Variants in NCALD observed in about 807,000 individuals in gnomAD.
NCALD encodes neurocalcin-delta.
NCALD carries 10 observed loss-of-function variants against 18.6 expected under a neutral mutation model. The ratio of observed to expected loss-of-function variants is 0.54; its 90% CI spans 0.33 to 0.91. The LOEUF (loss-of-function observed/expected upper bound fraction) is 0.91. Among genes scored for constraint, NCALD ranks in the 40% least tolerant of loss-of-function variants. The pLI is 0.03. For synonymous variants in NCALD, 88 were observed against 87.4 expected (o/e 1.01, Z -0.04); for missense variants, 184 against 247.6 (o/e 0.74, Z 1.72).
intron 1 of NCALD, among the ~76,000 whole-genome samples, chr8:102,049,118 A>G (rs184111752): frequency 7.4e-4 from 112 of 152,298 alleles, no homozygotes; most frequent in Non-Finnish European, 1.1e-3. Context: ...GAGATGAAAA[A>G]CACTGAAGTA....
At chr8:101,707,967 G>T (rs1815610126) in intron 2 of NCALD, among the ~76,000 whole-genome samples, 1 of 152,162 alleles carries the variant, frequency 6.6e-6, no homozygotes, top group South Asian at 2.1e-4. Context: ...ATTATTCTAA[G>T]TAGTAAAAGT....
At chr8:102,106,578 A>G (rs570952857) in intron 1 of NCALD, among the ~76,000 whole-genome samples, 141 of 151,898 alleles carry the variant, frequency 9.3e-4, no homozygotes, top group Non-Finnish European at 1.9e-3. Context: ...GCGTGCCCTG[A>G]TCCTCTAGGG....
At chr8:101,747,664 T>A (rs1030669319) in intron 1 of NCALD, among the ~76,000 whole-genome samples, 1 of 151,950 alleles carries the variant, frequency 6.6e-6, no homozygotes, top group African/African-American at 2.4e-5. Flanking sequence ...GATTATCTCC[T>A]CTTTAAGCCT....
intron 1 of NCALD, among the ~76,000 whole-genome samples, chr8:102,079,915 G>T (rs1471764789): frequency 6.6e-6 from 1 of 152,162 alleles, no homozygotes; most frequent in East Asian, 1.9e-4. Context: ...TGGCAAATTT[G>T]CCCAAATATT....
At chr8:101,840,863 T>C (rs1336776344) in intron 4 of NCALD, among the ~76,000 whole-genome samples, 1 of 152,212 alleles carries the variant, frequency 6.6e-6, no homozygotes, top group Non-Finnish European at 1.5e-5. Context: ...AAAAAATCAT[T>C]GATTCGAATA....
chr8:101,738,519 G>A (rs10955273), intron 1 of NCALD, among the ~76,000 whole-genome samples: 3,295 of 136,002 alleles, frequency 0.024, 111 homozygotes, highest in East Asian at 0.12. Flanking sequence ...ACTCCAGCCT[G>A]AGTGACAAGA....
At chr8:102,106,449 A>G (rs547750998) in intron 1 of NCALD, among the ~76,000 whole-genome samples, 2,588 of 90,142 alleles carry the variant, frequency 0.029, 109 homozygotes, top group African/African-American at 0.088. Context: ...CATATAGTAT[A>G]TATATATATA....
intron 2 of NCALD, among the ~76,000 whole-genome samples, chr8:101,710,032 A>C (rs1464095819): frequency 6.6e-6 from 1 of 152,262 alleles, no homozygotes; most frequent in Admixed American, 6.5e-5. Flanking sequence ...CAGCAAGACC[A>C]ACGCAGAAGA....
At chr8:101,936,166 T>C (rs2131730119) in intron 2 of NCALD, among the ~76,000 whole-genome samples, 1 of 152,280 alleles carries the variant, frequency 6.6e-6, no homozygotes, top group South Asian at 2.1e-4. Flanking sequence ...CAATTATCTA[T>C]AAGAATGAGA....
chr8:102,087,902 C>CCTCT (rs3085983), intron 1 of NCALD, among the ~76,000 whole-genome samples: 3 of 149,486 alleles, frequency 2.0e-5, no homozygotes, highest in East Asian at 3.9e-4. Flanking sequence ...GCAATGCTTT[C>CCTCT]CTCTCTCTCT....
intron 1 of NCALD, among the ~76,000 whole-genome samples, chr8:102,054,744 T>G (rs545942754): frequency 7.4e-6 from 1 of 135,456 alleles, no homozygotes; most frequent in South Asian, 2.5e-4. Flanking sequence ...TAGATAGATC[T>G]ATAGGATGAT....
At chr8:101,936,255 A>C (rs1818760101) in intron 2 of NCALD, among the ~76,000 whole-genome samples, 1 of 152,208 alleles carries the variant, frequency 6.6e-6, no homozygotes, top group African/African-American at 2.4e-5. Flanking sequence ...ATTTTCAGTA[A>C]GACCAATCAG....
chr8:101,891,656 G>A (rs7826612), intron 3 of NCALD, among the ~76,000 whole-genome samples: 3,306 of 152,302 alleles, frequency 0.022, 95 homozygotes, highest in African/African-American at 0.073. Flanking sequence ...GTGGGTGCGT[G>A]CACCGAGTGC....
rs542193743 is a variant in NCALD at position 102,117,109 on chromosome 8, G to A, written c.-210+7128C>T. Among the ~76,000 whole-genome samples, 6 of 152,306 alleles carry A rather than the reference G, an allele frequency of 3.9e-5. No individual in the cohort carries two copies. In the East Asian group the frequency reaches 1.2e-3, roughly 29 times the overall value. On this transcript the variant is annotated intron_variant, in intron 1 of 6. Coordinates refer to the NCALD transcript ENST00000311028. ...CCCTAGAATCCCTGGAGGAAGCACG[G>A]CATTTCGGCCTCAGACTTCTAGCCT... is the stretch of plus-strand genomic sequence containing the variant.
At chr8:101,742,623 T>C (rs373355797) in intron 1 of NCALD, among the ~76,000 whole-genome samples, 11 of 152,360 alleles carry the variant, frequency 7.2e-5, no homozygotes, top group African/African-American at 2.6e-4. Context: ...TAAAAATTTA[T>C]GTATATAGTT....
At chr8:101,863,682 A>C (rs1408521119) in intron 4 of NCALD, among the ~76,000 whole-genome samples, 3 of 152,190 alleles carry the variant, frequency 2.0e-5, no homozygotes, top group African/African-American at 7.2e-5. Context: ...GTAACCATTA[A>C]ATGCTTTGAA....
At chr8:101,891,919 G>C (rs979006461) in intron 3 of NCALD, among the ~76,000 whole-genome samples, 1 of 152,168 alleles carries the variant, frequency 6.6e-6, no homozygotes, top group South Asian at 2.1e-4. Context: ...ACTGCAAGGC[G>C]GCAGCGAGGC....
intron 2 of NCALD, chr8:101,693,327 T>TTG (rs1814828393): frequency 1.1e-5 from 1 of 94,332 alleles, no homozygotes; most frequent in Non-Finnish European, 2.3e-5. Flanking sequence ...CGTTTTTTTT[T>TTG]TTTTTTTTTT....
chr8:101,742,331 A>G (rs1218182036), intron 1 of NCALD, among the ~76,000 whole-genome samples: 2 of 152,110 alleles, frequency 1.3e-5, no homozygotes, highest in African/African-American at 4.8e-5. Flanking sequence ...TTCCATTTGA[A>G]TAACTGTGAA....
Sources: gnomAD v4.1 joint callset for allele counts (sites outside exome capture counted in the v4.1 genomes callset) on GRCh38, gnomAD v4.1.1 for gene constraint, MANE v1.5 for transcripts, NCBI Gene and HGNC (gene_info 2026-07-23, HGNC 2026-07-21) for gene names.